Variants in RB1 observed in about 807,000 individuals in gnomAD.
RB1 encodes the protein RB transcriptional corepressor 1.
A neutral mutation model predicts 135.4 loss-of-function variants in RB1; 18 were observed. The observed-to-expected ratio is 0.13, with a 90% confidence interval of 0.09 to 0.20. The LOEUF (loss-of-function observed/expected upper bound fraction) is 0.20. Ranked by LOEUF, RB1 falls within the 10% of genes least tolerant of loss-of-function variation. The pLI is 1.00. For synonymous variants in RB1, 365 were observed against 373.2 expected, an observed-to-expected ratio of 0.98 and a Z score of 0.25; for missense variants, 868 against 1,110.0, an observed-to-expected ratio of 0.78 and a Z score of 3.10.
chr13:48,340,589 G>GAGAA (rs148116313), intron 2 of RB1, among the ~76,000 whole-genome samples: 6 of 149,130 alleles, frequency 4.0e-5, no homozygotes, highest in Non-Finnish European at 8.9e-5. Context: ...GAGAGAGAGA[G>GAGAA]AAAAAAAAAG....
chr13:48,342,735 AT>A, intron 3 of RB1, 21 bp downstream of exon 3: 1 of 1,487,892 alleles, frequency 6.7e-7, no homozygotes, highest in Non-Finnish European at 9.4e-7. Context: ...TTGTATAAAT[AT>A]AAGCCTCTGC....
Position 48,342,733 on chromosome 13 carries a change from AT to A in RB1, c.380+20del. On this transcript the variant is annotated intron_variant, in intron 3 of 26. Coordinates refer to ENST00000267163, the MANE Select transcript of RB1 (RefSeq NM_000321.3). ...AAATCAGGTAAAGTTTCTTGTATAA[AT>A]ATAAGCCTCTGCCATAAAAGGAAAC... 1 of 1,498,166 alleles carries A rather than the reference AT, an allele frequency of 6.7e-7. No individual in the cohort carries two copies. The highest frequency in any genetic ancestry group is 9.3e-7 in the Non-Finnish European group (1 of 1,075,502). The allele number at this position is 1,498,166 out of a possible 1,614,324, so 92.8% of individuals were successfully genotyped here. A position where few individuals can be genotyped will look rare whatever the true frequency, so the allele number is the denominator to read the frequency against.
chr13:48,409,148 C>CT (rs1948766446), intron 17 of RB1, among the ~76,000 whole-genome samples: 1 of 143,292 alleles, frequency 7.0e-6, no homozygotes, highest in African/African-American at 2.6e-5. Flanking sequence ...TTTTTCTTTT[C>CT]TCTTTTTTTT....
At chr13:48,411,786 T>G (rs112592020) in intron 17 of RB1, 81 of 1,612,134 alleles carry the variant, frequency 5.0e-5, no homozygotes, top group Middle Eastern at 1.7e-4. Context: ...TGTAACAGGT[T>G]TGGTTAAAGT....
chr13:48,320,594 A>G (rs1047200614), intron 2 of RB1: 9 of 379,490 alleles, frequency 2.4e-5, no homozygotes, highest in Non-Finnish European at 3.5e-5. Context: ...GCACTTTGAG[A>G]GGCCGAGGCG....
At chr13:48,333,263 T>A in intron 2 of RB1, 1 of 388,640 alleles carries the variant, frequency 2.6e-6, no homozygotes, top group Non-Finnish European at 4.5e-6. Flanking sequence ...ATGTCATATT[T>A]GGTAAAAGGA....
intron 2 of RB1, among the ~76,000 whole-genome samples, chr13:48,312,449 G>A (rs763813872): frequency 3.3e-5 from 5 of 152,048 alleles, no homozygotes; most frequent in Non-Finnish European, 5.9e-5. Context: ...GGTTGTTTTT[G>A]TTCCTTATCT....
intron 7 of RB1, 28 bp downstream of exon 7, chr13:48,360,155 C>G (rs1952626626): frequency 6.2e-7 from 1 of 1,610,542 alleles, no homozygotes; most frequent in South Asian, 1.1e-5. Context: ...GCCCCTTTTA[C>G]TTTCTCATTC....
At chr13:48,350,260 A>C (rs549938237) in intron 6 of RB1, among the ~76,000 whole-genome samples, 1 of 152,268 alleles carries the variant, frequency 6.6e-6, no homozygotes, top group Non-Finnish European at 1.5e-5. Flanking sequence ...CATATTGATC[A>C]TTCTCAAGGA....
intron 17 of RB1, among the ~76,000 whole-genome samples, chr13:48,413,846 T>C (rs1948860795): frequency 6.6e-6 from 1 of 152,228 alleles, no homozygotes; most frequent in Non-Finnish European, 1.5e-5. Context: ...CAAAATTTTT[T>C]TAACCTTAAA....
chr13:48,424,658 A>G (rs1949054133), intron 17 of RB1, among the ~76,000 whole-genome samples: 1 of 152,078 alleles, frequency 6.6e-6, no homozygotes, highest in South Asian at 2.1e-4. Flanking sequence ...GAATCATATC[A>G]CGTCTTTTCT....
At chr13:48,447,829 A>G (rs1593526074) in intron 17 of RB1, among the ~76,000 whole-genome samples, 1 of 152,180 alleles carries the variant, frequency 6.6e-6, no homozygotes, top group African/African-American at 2.4e-5. Context: ...TGGAGTGATA[A>G]AAGTGATATT....
In RB1 at chr13:48,319,984, G is replaced by A. The variant is rs1952220297; in HGVS notation, c.264+12578G>A. On this transcript the variant is annotated intron_variant, in intron 2 of 26. Coordinates refer to ENST00000267163, the MANE Select transcript of RB1 (RefSeq NM_000321.3). This position sits in a 1 kb window ranked among gnomAD's most constrained non-coding sequence, Gnocchi z 5.0. ...GAGATAGTTCTGGCTTACATCTACTGCCACTGCCTGCAGCCCTGGAAGGCT... is the reference window on the plus strand; with the variant it reads ...GAGATAGTTCTGGCTTACATCTACTACCACTGCCTGCAGCCCTGGAAGGCT... 2 of 399,974 alleles carry A rather than the reference G, an allele frequency of 5.0e-6. No individual in the cohort carries two copies. Among genetic ancestry groups the A allele is most frequent in the South Asian group, 2.9e-5 (1 of 33,948 alleles). 24.8% of individuals were successfully genotyped at this position (399,974 alleles called of 1,614,324 possible).
chr13:48,401,929 A>C (rs1948695589), intron 17 of RB1, among the ~76,000 whole-genome samples: 1 of 152,184 alleles, frequency 6.6e-6, no homozygotes, highest in Non-Finnish European at 1.5e-5. Context: ...CTATCTTTTA[A>C]GTCTGGTCAT....
chr13:48,352,947 T>G (rs960022614), intron 6 of RB1, among the ~76,000 whole-genome samples: 1 of 152,176 alleles, frequency 6.6e-6, no homozygotes, highest in South Asian at 2.1e-4. Context: ...TCAAAGGGAA[T>G]GCTTCAAGCT....
intron 6 of RB1, among the ~76,000 whole-genome samples, chr13:48,357,377 C>T (rs536986067): frequency 1.3e-5 from 2 of 152,022 alleles, no homozygotes; most frequent in Admixed American, 6.6e-5. Flanking sequence ...ATTTGGTCCT[C>T]ATCTTTTTTC....
intron 17 of RB1, chr13:48,426,844 G>A (rs1593506761): frequency 4.6e-5 from 7 of 152,270 alleles, no homozygotes; most frequent in Admixed American, 4.6e-4. Context: ...AAAGAGTAGG[G>A]TTTAGTTGGC....
rs941946169 is a variant in RB1 at position 48,319,445 on chromosome 13, C to G, written c.264+12039C>G. ...GCGCCTGCGCCGCACTTGTGACTTG[C>G]TTTCCCCTTCTCAGGGCGCCAGCGC... On this transcript the variant is annotated intron_variant, in intron 2 of 26. Transcript: ENST00000267163. This position sits in a 1 kb window ranked among gnomAD's most constrained non-coding sequence, Gnocchi z 5.0. The G allele has an allele frequency of 8.5e-6, 3 of 351,192 alleles. No homozygotes were observed. Among genetic ancestry groups the G allele is most frequent in the Non-Finnish European group, 1.6e-5 (3 of 186,178 alleles). 21.8% of individuals were successfully genotyped at this position (351,192 alleles called of 1,614,324 possible). A position where few individuals can be genotyped will look rare whatever the true frequency, so the allele number is the denominator to read the frequency against.
chr13:48,314,327 T>C (rs1038002269), intron 2 of RB1, among the ~76,000 whole-genome samples: 1 of 152,328 alleles, frequency 6.6e-6, no homozygotes, highest in Admixed American at 6.5e-5. Flanking sequence ...TTCAGATGCA[T>C]GCATATGGAA....
Sources: gnomAD v4.1 joint callset for allele counts (sites outside exome capture counted in the v4.1 genomes callset) on GRCh38, gnomAD v4.1.1 for gene constraint, Gnocchi (gnomAD v3.1) non-coding constraint, MANE v1.5 for transcripts, NCBI Gene and HGNC (gene_info 2026-07-23, HGNC 2026-07-21) for gene names.